Variants in CCM2 observed in about 807,000 individuals in gnomAD.
CCM2 encodes the protein CCM2 scaffold protein, also known as cerebral cavernous malformations 2 protein.
A neutral mutation model predicts 44.9 loss-of-function variants in CCM2; 25 were observed. The observed-to-expected ratio is 0.56, with a 90% confidence interval of 0.41 to 0.78. The LOEUF (loss-of-function observed/expected upper bound fraction) is 0.78. Ranked by LOEUF, CCM2 falls within the 30% of genes least tolerant of loss-of-function variation. The probability of loss-of-function intolerance (pLI) is 0.00; values close to 1 mark genes in which losing one functional copy is unlikely to be tolerated. For missense variants in CCM2, 481 were observed against 580.6 expected (o/e 0.83, Z 1.76); for synonymous variants, 219 against 241.1 (o/e 0.91, Z 0.85).
intron 8 of CCM2, 25 bp downstream of exon 8, chr7:45,073,596 G>A: frequency 1.3e-6 from 2 of 1,545,694 alleles, no homozygotes; most frequent in Non-Finnish European, 1.8e-6. Flanking sequence ...CAGGGACGCT[G>A]GGCTGCATGA....
intron 2 of CCM2, among the ~76,000 whole-genome samples, chr7:45,059,586 A>G (rs1306746754): frequency 6.6e-6 from 1 of 151,972 alleles, no homozygotes; most frequent in Non-Finnish European, 1.5e-5. Context: ...CTGTCTCTAC[A>G]AAAAATACAA....
intron 4 of CCM2, 170 bp from the exon 5 acceptor site, chr7:45,068,273 A>C: frequency 3.8e-6 from 3 of 792,228 alleles, no homozygotes; most frequent in South Asian, 1.5e-5. Context: ...ACCCTTATTT[A>C]GAGAAGCGAA....
At chr7:45,015,768 G>A (rs951023425) in intron 1 of CCM2, among the ~76,000 whole-genome samples, 1 of 152,148 alleles carries the variant, frequency 6.6e-6, no homozygotes, top group East Asian at 1.9e-4. Flanking sequence ...GAAGACACAG[G>A]ATAAAAAGCC....
At chr7:44,999,909 C>T, upstream of CCM2, 1 of 326,194 alleles carries the variant, frequency 3.1e-6, no homozygotes, top group African/African-American at 2.2e-5. Context: ...GCGTTTCCGG[C>T]TCTCCTGAAG....
intron 1 of CCM2, among the ~76,000 whole-genome samples, chr7:45,029,903 C>T (rs149780355): frequency 6.6e-4 from 101 of 152,292 alleles, no homozygotes; most frequent in African/African-American, 2.2e-3. Flanking sequence ...AAGCTTAAGA[C>T]GTTAACTTTG....
chr7:45,071,707 C>T (rs554372409), intron 6 of CCM2: 25 of 454,200 alleles, frequency 5.5e-5, no homozygotes, highest in East Asian at 2.1e-4. Flanking sequence ...CTCCTAAAGG[C>T]GGCTGCATGC....
intron 7 of CCM2, 35 bp from the exon 8 acceptor site, chr7:45,073,425 G>C (rs1170731764): frequency 6.6e-7 from 1 of 1,519,080 alleles, no homozygotes; most frequent in Non-Finnish European, 9.1e-7. Flanking sequence ...GAGGGTCGGG[G>C]AAGCCACCCG....
At chr7:45,018,842 C>G (rs1796368279) in intron 1 of CCM2, among the ~76,000 whole-genome samples, 1 of 151,948 alleles carries the variant, frequency 6.6e-6, no homozygotes, top group Non-Finnish European at 1.5e-5. Context: ...TTACTGCAAC[C>G]TCTGCCTCCC....
In CCM2 at chr7:45,053,013, G is replaced by T. The variant is rs967758384; in HGVS notation, c.205-10905G>T. ...TACGTCTCTTATATTCAGGGAAGTG[G>T]GCAGATGGCCACCAGTGGAGTCTTT... On this transcript the variant is annotated intron_variant, in intron 2 of 9. Transcript: ENST00000258781. Among the ~76,000 whole-genome samples the T allele has an allele frequency of 3.9e-5, 6 of 152,278 alleles. No homozygotes were observed. The South Asian group carries it at 1.2e-3, about 32-fold the overall frequency.
intron 1 of CCM2, among the ~76,000 whole-genome samples, chr7:45,008,422 C>T (rs1475920139): frequency 9.9e-5 from 14 of 141,070 alleles, no homozygotes; most frequent in Non-Finnish European, 1.6e-4. Flanking sequence ...AGTGCAGTGG[C>T]GCGATCTCGG....
chr7:45,064,552 C>G lies in CCM2; in HGVS notation c.378C>G (p.Asp126Glu). 6.2e-7 allele frequency: 1 copy of G among 1,613,910 alleles called. No homozygotes were observed. The highest frequency in any genetic ancestry group is 8.5e-7 in the Non-Finnish European group (1 of 1,179,990). Residue 126 changes from aspartate to glutamate, a missense_variant, in exon 4 of 10, where the codon GAC (aspartate) becomes GAG (glutamate). Asp to Glu is a conservative substitution (Grantham distance 45, BLOSUM62 2). Transcript: ENST00000258781. ...SAYNVKLAWRDGEDIILRVPI... is the reference protein window; with the variant it reads ...SAYNVKLAWREGEDIILRVPI... ...ACAACGTCAAGCTGGCCTGGAGGGA[C>G]GGGGAGGATATCATCCTCAGGGTGC...
At chr7:45,043,266 G>A (rs1562886917) in intron 2 of CCM2, among the ~76,000 whole-genome samples, 1 of 151,982 alleles carries the variant, frequency 6.6e-6, no homozygotes, top group Non-Finnish European at 1.5e-5. Flanking sequence ...ACTGCACTTG[G>A]AATATTTTCT....
intron 2 of CCM2, among the ~76,000 whole-genome samples, chr7:45,042,968 CTTTT>C (rs35874377): frequency 0.024 from 3,272 of 134,592 alleles, 39 homozygotes; most frequent in African/African-American, 0.027. Flanking sequence ...TCTTCTTCTT[CTTTT>C]TTTTTTTTTT....
chr7:45,075,301 G>A (rs1215410306), intron 9 of CCM2, among the ~76,000 whole-genome samples: 7 of 152,262 alleles, frequency 4.6e-5, no homozygotes, highest in East Asian at 1.9e-4. Flanking sequence ...AGCCCTCTGA[G>A]TTGGGACAGT....
At chr7:45,018,439 C>T (rs557407485) in intron 1 of CCM2, among the ~76,000 whole-genome samples, 4 of 152,290 alleles carry the variant, frequency 2.6e-5, no homozygotes, top group Admixed American at 2.0e-4. Flanking sequence ...TCACTGCAAC[C>T]TCCACCTCCT....
intron 2 of CCM2, among the ~76,000 whole-genome samples, chr7:45,059,925 AT>A (rs1798445755): frequency 1.3e-5 from 2 of 152,276 alleles, no homozygotes; most frequent in Admixed American, 1.3e-4. Context: ...GCTGTCATTT[AT>A]TTCATTTATC....
Position 45,076,204 on chromosome 7 carries a change from T to G in CCM2, c.*147T>G. On this transcript the variant is annotated 3_prime_UTR_variant, in exon 10 of 10. Coordinates refer to ENST00000258781, the MANE Select transcript of CCM2 (RefSeq NM_031443.4). The stretch of plus-strand genomic sequence containing the variant: ...ATGGCCCCGGGCGGCCCAGGTCCTC[T>G]ACTGTGAAGGAGCAGGGAGCTGCCG... The G allele has an allele frequency of 9.0e-7, 1 of 1,107,082 alleles. No individual in the cohort carries two copies. The highest frequency in any genetic ancestry group is 1.3e-6 in the Non-Finnish European group (1 of 757,070). 68.6% of individuals were successfully genotyped at this position (1,107,082 alleles called of 1,614,324 possible). A position where few individuals can be genotyped will look rare whatever the true frequency, so the allele number is the denominator to read the frequency against.
Position 45,068,590 on chromosome 7 carries a change from C to T in CCM2, c.609+11C>T, listed in dbSNP as rs377135433. ...GCTGCAGAGAGCAAGGTGAGACTTT[C>T]TCGCCCCACTTACTCAGAACTGGCT... On this transcript the variant is annotated intron_variant, in intron 5 of 9. Transcript: ENST00000258781. 1 of 1,613,794 alleles carries T rather than the reference C, an allele frequency of 6.2e-7. No individual in the cohort carries two copies. Among genetic ancestry groups the T allele is most frequent in the Non-Finnish European group, 8.5e-7 (1 of 1,179,990 alleles).
At chr7:45,074,687 G>A (rs1799259463) in intron 9 of CCM2, among the ~76,000 whole-genome samples, 1 of 152,200 alleles carries the variant, frequency 6.6e-6, no homozygotes, top group Admixed American at 6.5e-5. Flanking sequence ...CCAGGAAGTA[G>A]CAGAGATCCC....
Sources: gnomAD v4.1 joint callset for allele counts (sites outside exome capture counted in the v4.1 genomes callset) on GRCh38, gnomAD v4.1.1 for gene constraint, MANE v1.5 for transcripts, NCBI Gene and HGNC (gene_info 2026-07-23, HGNC 2026-07-21) for gene names.